MIER1: variants seen among roughly 807,000 people sequenced by gnomAD.
MIER1 encodes MIER1 transcriptional regulator.
A neutral mutation model predicts 75.7 loss-of-function variants in MIER1; 40 were observed. That is an observed-to-expected ratio of 0.53 (90% CI 0.41 to 0.69). The LOEUF (loss-of-function observed/expected upper bound fraction) is 0.69, where lower values mean the gene tolerates loss of function less well. MIER1 is among the 30% of genes least tolerant of loss of function. MIER1 has a pLI of 0.00. For missense variants in MIER1, 574 were observed against 680.2 expected (o/e 0.84, Z 1.74); for synonymous variants, 213 against 223.4 (o/e 0.95, Z 0.42).
At chr1:66,950,777 C>T (rs1658748175) in intron 4 of MIER1, among the ~76,000 whole-genome samples, 2 of 151,586 alleles carry the variant, frequency 1.3e-5, no homozygotes, top group African/African-American at 4.8e-5. Context: ...TGCCTTCATT[C>T]CTATATAGTT....
In MIER1 at chr1:66,930,910, T is replaced by C. The variant is rs1028935240; in HGVS notation, c.168+4668T>C. Among the ~76,000 whole-genome samples the C allele has an allele frequency of 5.9e-5, 9 of 151,822 alleles. No homozygotes were observed. The South Asian group carries it at 1.7e-3, about 28-fold the overall frequency. On this transcript the variant is annotated intron_variant, in intron 2 of 13. Transcript: ENST00000401041. Reference sequence around the variant, plus strand: ...TTTCATGATCGTGGTAAAATGAGAGTGGATAAATTAATCTGGCCAGCCGCA... The same window carrying C: ...TTTCATGATCGTGGTAAAATGAGAGCGGATAAATTAATCTGGCCAGCCGCA...
rs1465239201 is a variant in MIER1, at chr1:66,970,851, A to G, written c.816A>G (p.Leu272=). The G allele has an allele frequency of 6.3e-7, 1 of 1,593,280 alleles. No homozygotes were observed. Among genetic ancestry groups the G allele is most frequent in the African/African-American group, 1.4e-5 (1 of 73,394 alleles). ...DDQLLWDPEY[L]PEDKVIIFLK... ...AGCTCCTGTGGGACCCTGAGTACTT[A>G]CCAGAAGATAAAGTGATTATATTTC... Residue 272 remains leucine (L), a synonymous_variant, in exon 9 of 14, where the codon TTA becomes TTG. Transcript: ENST00000401041.
intron 3 of MIER1, among the ~76,000 whole-genome samples, chr1:66,942,646 A>G (rs771173603): frequency 5.3e-5 from 8 of 152,110 alleles, no homozygotes; most frequent in Non-Finnish European, 8.8e-5. Flanking sequence ...GCTATTGACA[A>G]GAATAAGATG....
chr1:66,984,820 G>C lies in MIER1; in HGVS notation c.1618G>C (p.Glu540Gln), dbSNP rs1224803791. The change falls in exon 14 of 14, where the codon GAA becomes CAA. Residue 540 changes from glutamate (E) to glutamine (Q), a missense_variant. By Grantham distance (29) the Glu-to-Gln change is conservative. Coordinates refer to ENST00000401041, the MANE Select transcript of MIER1 (RefSeq NM_001077700.3). ...GCGAAGGGTAAACAGCAATGGAAAA[G>C]AAAGTCCAGGTTCTTCTGAATTTTT... is the stretch of plus-strand genomic sequence containing the variant. ...KRRRVNSNGKESPGSSEFFQE... is the reference protein window; with the variant it reads ...KRRRVNSNGKQSPGSSEFFQE... The C allele has an allele frequency of 5.0e-6, 8 of 1,613,402 alleles. No homozygotes were observed. Among genetic ancestry groups the C allele is most frequent in the African/African-American group, 2.7e-5 (2 of 74,836 alleles).
At chr1:66,965,172 G>A (rs558216184) in intron 8 of MIER1, among the ~76,000 whole-genome samples, 9 of 152,238 alleles carry the variant, frequency 5.9e-5, no homozygotes, top group South Asian at 2.1e-4. Context: ...TTCTGTGAAC[G>A]TATAATTGTG....
intron 12 of MIER1, 139 bp from the exon 13 acceptor site, chr1:66,981,640 G>T (rs1021936695): frequency 3.9e-5 from 25 of 636,296 alleles, no homozygotes; most frequent in Non-Finnish European, 2.4e-5. Flanking sequence ...TTCAGATCCT[G>T]GTATGATAGA....
chr1:66,964,658 G>T (rs1662008247), intron 8 of MIER1, among the ~76,000 whole-genome samples: 1 of 149,904 alleles, frequency 6.7e-6, no homozygotes, highest in African/African-American at 2.5e-5. Flanking sequence ...CTCCATGTCG[G>T]TCAGGCTGGT....
intron 11 of MIER1, among the ~76,000 whole-genome samples, chr1:66,974,790 G>A (rs1331488750): frequency 6.6e-6 from 1 of 152,144 alleles, no homozygotes; most frequent in Non-Finnish European, 1.5e-5. Context: ...GAGTACTCTA[G>A]TGAGAATATC....
chr1:66,975,785 A>G (rs549856408), intron 11 of MIER1, among the ~76,000 whole-genome samples: 1 of 152,290 alleles, frequency 6.6e-6, no homozygotes, highest in African/African-American at 2.4e-5. Context: ...CATTATTATG[A>G]TACTTTTAAC....
At chr1:66,932,782 G>T (rs1244636662) in intron 2 of MIER1, 1 of 151,966 alleles carries the variant, frequency 6.6e-6, no homozygotes, top group African/African-American at 2.4e-5. Flanking sequence ...ATCTGAGGGG[G>T]AAAACAGGTT....
chr1:66,964,844 A>G (rs1478417810), intron 8 of MIER1, among the ~76,000 whole-genome samples: 3 of 152,084 alleles, frequency 2.0e-5, no homozygotes, highest in African/African-American at 7.2e-5. Flanking sequence ...TCACATTTCA[A>G]CTTAATATAC....
At chr1:66,957,800 G>A (rs147372205) in intron 4 of MIER1, among the ~76,000 whole-genome samples, 196 of 152,150 alleles carry the variant, frequency 1.3e-3, no homozygotes, top group African/African-American at 4.6e-3. Context: ...GTCCATGTTA[G>A]ACCAAGGCCA....
At chr1:66,930,818 CGACT>C (rs1035362722) in intron 2 of MIER1, among the ~76,000 whole-genome samples, 2 of 152,130 alleles carry the variant, frequency 1.3e-5, no homozygotes, top group African/African-American at 4.8e-5. Context: ...CATCCATTTG[CGACT>C]GACATCCAGT....
chr1:66,950,407 C>A lies in MIER1; in HGVS notation c.339+4112C>A, dbSNP rs139736321. On this transcript the variant is annotated intron_variant, in intron 4 of 13. Transcript: ENST00000401041. ...TACAGGCGTGAGCTATTGCACCTGG[C>A]CATAGATACATTTTTGTTTGCTACA... Among the ~76,000 whole-genome samples the A allele has an allele frequency of 5.7e-3, 867 of 152,238 alleles. 7 individuals carry two copies. Among genetic ancestry groups the A allele is most frequent in the South Asian group, 8.7e-3 (42 of 4,826 alleles).
chr1:66,940,257 A>G, intron 3 of MIER1: 1 of 252,132 alleles, frequency 4.0e-6, no homozygotes, highest in Non-Finnish European at 6.8e-6. Context: ...AAAAATGACT[A>G]TTTTTGGGTT....
In MIER1 at chr1:66,932,681, A is replaced by G. The variant is rs1023580503; in HGVS notation, c.168+6439A>G. ...GATTAAATAATCCAGATGCTGAATT[A>G]TTGTGCTTTTGATCAAATAAATCTG... is the stretch of plus-strand genomic sequence containing the variant. On this transcript the variant is annotated intron_variant, in intron 2 of 13. Transcript: ENST00000401041. The G allele has an allele frequency of 5.3e-5, 8 of 152,290 alleles. No homozygotes were observed. The East Asian group carries it at 1.3e-3, about 26-fold the overall frequency. 9.4% of individuals were successfully genotyped at this position (152,290 alleles called of 1,614,324 possible).
At chr1:66,979,097 G>GT (rs140262538) in intron 12 of MIER1, among the ~76,000 whole-genome samples, 2,977 of 147,900 alleles carry the variant, frequency 0.02, 89 homozygotes, top group African/African-American at 0.065. Flanking sequence ...CCACTGGGTT[G>GT]TTTTTTTTTT....
At chr1:66,953,573 TAGTA>T (rs1159159380) in intron 4 of MIER1, among the ~76,000 whole-genome samples, 1 of 151,954 alleles carries the variant, frequency 6.6e-6, no homozygotes, top group Non-Finnish European at 1.5e-5. Context: ...AGTTTAATAC[TAGTA>T]AGTAAGCATT....
chr1:66,934,606 A>G (rs1009173408), intron 2 of MIER1, among the ~76,000 whole-genome samples: 1 of 143,978 alleles, frequency 6.9e-6, no homozygotes, highest in Non-Finnish European at 1.5e-5. Context: ...GGGTCTCGAT[A>G]TGTTGATCAG....
Sources: gnomAD v4.1 joint callset for allele counts (sites outside exome capture counted in the v4.1 genomes callset) on GRCh38, gnomAD v4.1.1 for gene constraint, MANE v1.5 for transcripts, NCBI Gene and HGNC (gene_info 2026-07-23, HGNC 2026-07-21) for gene names.